SLC26A8: variants seen among roughly 807,000 people sequenced by gnomAD.
SLC26A8 encodes solute carrier family 26 member 8, also known as testis anion transporter 1.
Under a neutral mutation model 105.0 loss-of-function variants are expected in SLC26A8, and 70 were observed. The ratio of observed to expected loss-of-function variants is 0.67; its 90% CI spans 0.55 to 0.81. The LOEUF is 0.81. SLC26A8 is among the 40% of genes least tolerant of loss of function. The pLI, the probability that SLC26A8 is intolerant of heterozygous loss-of-function variation, is 0.00. For missense variants in SLC26A8, 998 were observed against 1,181.8 expected (o/e 0.84, Z 2.28); for synonymous variants, 415 against 438.3 (o/e 0.95, Z 0.66).
chr6:36,002,666 G>T (rs559387115), intron 3 of SLC26A8, among the ~76,000 whole-genome samples: 1 of 150,058 alleles, frequency 6.7e-6, no homozygotes, highest in Non-Finnish European at 1.5e-5. Context: ...CCTTTGTTGC[G>T]TATTGTTTTG....
chr6:35,975,490 T>C lies in SLC26A8; in HGVS notation c.1174-2A>G. The C allele has an allele frequency of 1.2e-6, 2 of 1,600,336 alleles. No individual in the cohort carries two copies. The highest frequency in any genetic ancestry group is 1.7e-6 in the Non-Finnish European group (2 of 1,170,626). On this transcript the variant is annotated splice_acceptor_variant, in intron 9 of 19. Transcript: ENST00000490799. LOFTEE classifies it high-confidence loss of function. Reference sequence around the variant, plus strand: ...GCAAAGGCCGATGGCTATTAAATCCTGTAAAGAAACAGCAGATGCTTTAGG... The same window carrying C: ...GCAAAGGCCGATGGCTATTAAATCCCGTAAAGAAACAGCAGATGCTTTAGG...
intron 7 of SLC26A8, among the ~76,000 whole-genome samples, chr6:35,985,858 C>T (rs1179968582): frequency 6.6e-6 from 1 of 151,558 alleles, no homozygotes; most frequent in Non-Finnish European, 1.5e-5. Context: ...CATTGTTTCC[C>T]GAGCTCTAGA....
intron 19 of SLC26A8, 72 bp downstream of exon 19, chr6:35,951,091 A>ACCCCCCCCCCCCCCTCC: frequency 8.0e-7 from 1 of 1,256,380 alleles, no homozygotes; most frequent in Non-Finnish European, 1.1e-6. Flanking sequence ...CCAGCCCCCA[A>ACCCCCCCCCCCCCCTCC]CCACCCCTCA....
chr6:35,950,562 G>A lies in SLC26A8; in HGVS notation c.2472+601C>T, dbSNP rs192605353. The stretch of plus-strand genomic sequence containing the variant: ...GGCCTCCCAAGGTGCTAGGATTACA[G>A]GCGTGAGCCATCGCACTCAGCCAGG... On this transcript the variant is annotated intron_variant, in intron 19 of 19. Coordinates refer to ENST00000490799, the MANE Select transcript of SLC26A8 (RefSeq NM_052961.4). 2.9e-3 allele frequency among the ~76,000 whole-genome samples: 445 copies of A among 152,140 alleles called. 1 individual carries two copies. Among genetic ancestry groups the A allele is most frequent in the African/African-American group, 0.01 (422 of 41,506 alleles).
chr6:35,982,272 G>A (rs1388684090), intron 7 of SLC26A8, 69 bp from the exon 8 acceptor site: 8 of 1,498,782 alleles, frequency 5.3e-6, no homozygotes, highest in Admixed American at 1.7e-5. Flanking sequence ...GCTTCTAGAA[G>A]CAGAGTTGCC....
chr6:35,989,978 C>A (rs1474446753), intron 7 of SLC26A8: 3 of 114,182 alleles, frequency 2.6e-5, no homozygotes, highest in Non-Finnish European at 5.0e-5. Flanking sequence ...CGCTCTTTCA[C>A]CCAAGCTGCA....
intron 12 of SLC26A8, 149 bp from the exon 13 acceptor site, chr6:35,961,248 A>G: frequency 3.1e-6 from 2 of 644,850 alleles, no homozygotes; most frequent in South Asian, 3.9e-5. Context: ...GACTGGTGCC[A>G]TGACAAACAA....
intron 6 of SLC26A8, 120 bp from the exon 7 acceptor site, chr6:35,991,928 G>T (rs1432552032): frequency 3.1e-6 from 3 of 970,768 alleles, no homozygotes; most frequent in African/African-American, 1.7e-5. Context: ...GGGTACAAAG[G>T]TCTTTATGGG....
rs2127291019 is a variant in SLC26A8 at position 35,951,519 on chromosome 6, C to T, written c.2233-20G>A. On this transcript the variant is annotated intron_variant, in intron 17 of 19. Coordinates refer to ENST00000490799, the MANE Select transcript of SLC26A8 (RefSeq NM_052961.4). Reference sequence around the variant, plus strand: ...GCATATCTGTGGGGGGAGAGAAAACCAGTATCAGAAGGCTTTATACTTGCT... The same window carrying T: ...GCATATCTGTGGGGGGAGAGAAAACTAGTATCAGAAGGCTTTATACTTGCT... 1.2e-6 allele frequency: 2 copies of T among 1,613,876 alleles called. No homozygotes were observed. The highest frequency in any genetic ancestry group is 1.7e-6 in the Non-Finnish European group (2 of 1,179,838).
intron 19 of SLC26A8, among the ~76,000 whole-genome samples, chr6:35,950,461 A>T (rs1771829875): frequency 6.6e-6 from 1 of 151,642 alleles, no homozygotes; most frequent in Non-Finnish European, 1.5e-5. Context: ...TAATTTTTGT[A>T]GTTCTAGTAG....
At position 35,987,916 on chromosome 6, in the gene SLC26A8, T is replaced by C. The variant is rs1435901871; in HGVS notation, c.942+3743A>G. 1.7e-3 allele frequency among the ~76,000 whole-genome samples: 251 copies of C among 150,466 alleles called. 2 individuals are homozygous for C. Among genetic ancestry groups the C allele is most frequent in the African/African-American group, 4.4e-3 (181 of 41,174 alleles). On this transcript the variant is annotated intron_variant, in intron 7 of 19. Coordinates refer to ENST00000490799, the MANE Select transcript of SLC26A8 (RefSeq NM_052961.4). ...AAATTCAGCAACCTTTCTTTCTTTT[T>C]TTTTTTTTTTTTTTACATGGAGTCT...
intron 3 of SLC26A8, among the ~76,000 whole-genome samples, chr6:36,000,944 C>A (rs1459545900): frequency 2.0e-5 from 3 of 152,196 alleles, no homozygotes; most frequent in Non-Finnish European, 2.9e-5. Context: ...TACTTTGAGG[C>A]AAATCCAAGG....
At position 35,951,212 on chromosome 6, in the gene SLC26A8, A is replaced by G. The variant is rs1352345625; in HGVS notation, c.2423T>C (p.Ile808Thr). The G allele has an allele frequency of 1.2e-6, 2 of 1,613,478 alleles. No homozygotes were observed. ...RKVIGSSELS[I>T]DESETVIRET... ...CCGTATCACTGTCTCGGATTCATCG[A>G]TGCTTAACTCAGAGGAGCCTATGAC... Residue 808 changes from isoleucine (I) to threonine (T), a missense_variant, in exon 19 of 20, where the codon ATC (isoleucine) becomes ACC (threonine). Ile to Thr is a moderately conservative substitution (Grantham distance 89, BLOSUM62 -1). Transcript: ENST00000490799.
In SLC26A8 at chr6:36,000,111, GA is replaced by G; in HGVS notation, c.329-4del. 1 of 1,594,088 alleles carries G rather than the reference GA, an allele frequency of 6.3e-7. No homozygotes were observed. The highest frequency in any genetic ancestry group is 8.6e-7 in the Non-Finnish European group (1 of 1,163,764). ...TGCCAGCAAACTAAGTGTCAGGCCT[GA>G]AAAACAAGATAATTTAAGAAAAAGC... On this transcript the variant is annotated splice_region_variant and splice_polypyrimidine_tract_variant and intron_variant, in intron 3 of 19. Coordinates refer to ENST00000490799, the MANE Select transcript of SLC26A8 (RefSeq NM_052961.4).
At position 35,977,326 on chromosome 6, in the gene SLC26A8, A is replaced by C; in HGVS notation, c.1051T>G (p.Phe351Val). ...AAAATTATCTTGGGAAGAAGGCTGA[A>C]ATCTGGTGTTACAGGAAGCAGAAAG... ...YSFLLPVTPD[F>V]SLLPKIILQA... The change falls in exon 9 of 20, where the codon TTC (phenylalanine) becomes GTC (valine). Residue 351 changes from phenylalanine to valine, a missense_variant. Transcript: ENST00000490799. The C allele has an allele frequency of 6.2e-7, 1 of 1,613,984 alleles. No homozygotes were observed. The highest frequency in any genetic ancestry group is 8.5e-7 in the Non-Finnish European group (1 of 1,179,962).
At chr6:36,004,369 C>T (rs1255687121) in intron 3 of SLC26A8, among the ~76,000 whole-genome samples, 1 of 152,116 alleles carries the variant, frequency 6.6e-6, no homozygotes, top group Non-Finnish European at 1.5e-5. Flanking sequence ...AGCCATTGCA[C>T]CTAAGCATAA....
intron 10 of SLC26A8, among the ~76,000 whole-genome samples, chr6:35,973,031 C>T (rs1258084908): frequency 6.6e-6 from 1 of 152,168 alleles, no homozygotes; most frequent in Non-Finnish European, 1.5e-5. Flanking sequence ...CCACTTCTGC[C>T]ATCATTCTCC....
intron 5 of SLC26A8, among the ~76,000 whole-genome samples, chr6:35,995,230 A>G (rs77121277): frequency 0.025 from 3,794 of 152,296 alleles, 178 homozygotes; most frequent in African/African-American, 0.086. Flanking sequence ...CAATTGCCTT[A>G]GAACTCTTTC....
rs189425921 is a variant in SLC26A8, at chr6:36,022,028, C to T, written c.-2-2319G>A. Among the ~76,000 whole-genome samples, 123 of 151,688 alleles carry T rather than the reference C, an allele frequency of 8.1e-4. No individual in the cohort carries two copies. The Middle Eastern group carries it at 0.01, about 13-fold the overall frequency. ...TGTCACCCAGGCTGGAGTTCAGTGG[C>T]GCGATCTTAGCTCACTGCAACCTCC... On this transcript the variant is annotated intron_variant, in intron 1 of 19. Coordinates refer to ENST00000490799, the MANE Select transcript of SLC26A8 (RefSeq NM_052961.4).
Sources: gnomAD v4.1 joint callset for allele counts (sites outside exome capture counted in the v4.1 genomes callset) on GRCh38, gnomAD v4.1.1 for gene constraint, MANE v1.5 for transcripts, NCBI Gene and HGNC (gene_info 2026-07-23, HGNC 2026-07-21) for gene names.